Variants in GRIK3 observed in about 807,000 individuals in gnomAD.
GRIK3 encodes the protein glutamate ionotropic receptor kainate type subunit 3.
GRIK3 carries 29 observed loss-of-function variants against 102.5 expected under a neutral mutation model. The ratio of observed to expected loss-of-function variants is 0.28; its 90% CI spans 0.21 to 0.39. The LOEUF is 0.39. GRIK3 is among the 10% of genes least tolerant of loss of function. The pLI, the probability that GRIK3 is intolerant of heterozygous loss-of-function variation, is 1.00. For synonymous variants in GRIK3, 511 were observed against 504.9 expected (o/e 1.01, Z -0.16); for missense variants, 908 against 1,252.4 (o/e 0.73, Z 4.15).
At chr1:36,957,038 A>G (rs1280392911) in intron 1 of GRIK3, among the ~76,000 whole-genome samples, 2 of 152,242 alleles carry the variant, frequency 1.3e-5, no homozygotes, top group East Asian at 3.8e-4. Context: ...AGCAGGCCAC[A>G]GAGCAGGAGG....
intron 1 of GRIK3, among the ~76,000 whole-genome samples, chr1:37,011,963 G>A (rs777081077): frequency 1.3e-5 from 2 of 152,112 alleles, no homozygotes; most frequent in Non-Finnish European, 2.9e-5. Flanking sequence ...CACCTCCCAT[G>A]CACCACCTCC....
intron 9 of GRIK3, among the ~76,000 whole-genome samples, chr1:36,842,831 C>A (rs796655493): frequency 4.6e-5 from 7 of 152,226 alleles, no homozygotes; most frequent in African/African-American, 1.7e-4. Context: ...GTGCAAGCAC[C>A]CCTAGCCGGC....
At chr1:36,933,067 G>A (rs764824966) in intron 1 of GRIK3, among the ~76,000 whole-genome samples, 3 of 152,180 alleles carry the variant, frequency 2.0e-5, no homozygotes, top group Admixed American at 6.5e-5. Flanking sequence ...TACATTGTCT[G>A]TTTCTATCTG....
intron 1 of GRIK3, among the ~76,000 whole-genome samples, chr1:37,026,551 G>A (rs542822620): frequency 1.3e-5 from 2 of 152,346 alleles, no homozygotes; most frequent in African/African-American, 2.4e-5. Context: ...CGGGCACTAT[G>A]CAAAGAGCTT....
intron 1 of GRIK3, among the ~76,000 whole-genome samples, chr1:36,958,301 G>A (rs1570824144): frequency 1.1e-5 from 1 of 89,676 alleles, no homozygotes; most frequent in Non-Finnish European, 2.1e-5. Context: ...TGTGCCCCCT[G>A]AGTCTGTGTG....
intron 1 of GRIK3, among the ~76,000 whole-genome samples, chr1:36,997,618 G>A (rs2124022091): frequency 6.6e-6 from 1 of 152,222 alleles, no homozygotes; most frequent in East Asian, 1.9e-4. Flanking sequence ...GTCCAAAGCT[G>A]TTGCCAGCTT....
At chr1:36,860,769 G>C (rs971920987) in intron 5 of GRIK3, among the ~76,000 whole-genome samples, 1 of 152,206 alleles carries the variant, frequency 6.6e-6, no homozygotes, top group Non-Finnish European at 1.5e-5. Context: ...GAGAGATGGC[G>C]GCAGAGGACG....
chr1:36,947,803 C>G (rs568979755), intron 1 of GRIK3, among the ~76,000 whole-genome samples: 6 of 152,264 alleles, frequency 3.9e-5, no homozygotes, highest in African/African-American at 9.6e-5. Flanking sequence ...AGCTTAGAGC[C>G]ATGCCAGCCC....
At chr1:36,837,033 C>A (rs940985460) in intron 10 of GRIK3, among the ~76,000 whole-genome samples, 3 of 151,972 alleles carry the variant, frequency 2.0e-5, no homozygotes. Context: ...ACCCCATGCT[C>A]TCCTGATTCT....
intron 15 of GRIK3, chr1:36,804,706 A>G (rs1433975744): frequency 3.8e-6 from 2 of 521,292 alleles, no homozygotes; most frequent in African/African-American, 1.9e-5. Context: ...TGAATTGTGG[A>G]TGGTGTTGGG....
At chr1:36,829,662 C>G (rs1642794080) in intron 10 of GRIK3, among the ~76,000 whole-genome samples, 1 of 152,236 alleles carries the variant, frequency 6.6e-6, no homozygotes, top group African/African-American at 2.4e-5. Context: ...TTCCACTTAC[C>G]AAGAATCTGT....
intron 1 of GRIK3, among the ~76,000 whole-genome samples, chr1:36,892,762 G>A (rs112732921): frequency 0.011 from 1,692 of 152,218 alleles, 30 homozygotes; most frequent in African/African-American, 0.039. Flanking sequence ...GAGGTAATTC[G>A]TACTGCCAGA....
intron 13 of GRIK3, among the ~76,000 whole-genome samples, chr1:36,816,194 A>G (rs1642624411): frequency 6.6e-6 from 1 of 152,202 alleles, no homozygotes; most frequent in African/African-American, 2.4e-5. Context: ...CAAGCCACTT[A>G]GCTGCTCTGG....
chr1:36,814,341 TG>T (rs1222272570), intron 13 of GRIK3, among the ~76,000 whole-genome samples: 2 of 152,128 alleles, frequency 1.3e-5, no homozygotes, highest in Non-Finnish European at 2.9e-5. Flanking sequence ...AGAGATGCTC[TG>T]GCACAAAGGG....
chr1:36,957,482 GC>G (rs1167390053), intron 1 of GRIK3, among the ~76,000 whole-genome samples: 1 of 125,874 alleles, frequency 7.9e-6, no homozygotes, highest in Admixed American at 7.6e-5. Flanking sequence ...GTGAGTCTGT[GC>G]CCCGTGAGCC....
At chr1:36,889,794 T>C (rs1402567091) in intron 2 of GRIK3, among the ~76,000 whole-genome samples, 1 of 152,178 alleles carries the variant, frequency 6.6e-6, no homozygotes, top group Non-Finnish European at 1.5e-5. Flanking sequence ...ATTTTAGTAA[T>C]TTTTAGCAAA....
intron 1 of GRIK3, among the ~76,000 whole-genome samples, chr1:36,903,776 G>C (rs756598119): frequency 6.6e-6 from 1 of 152,056 alleles, no homozygotes; most frequent in African/African-American, 2.4e-5. Flanking sequence ...TAACTATGGA[G>C]ATAGTAAAAA....
intron 11 of GRIK3, among the ~76,000 whole-genome samples, chr1:36,820,754 A>G (rs1256049777): frequency 6.6e-6 from 1 of 152,236 alleles, no homozygotes; most frequent in East Asian, 1.9e-4. Context: ...CCCCGGAGAG[A>G]ACAATGCGTT....
chr1:36,810,017 G>A (rs530826397), intron 13 of GRIK3, among the ~76,000 whole-genome samples: 17 of 152,266 alleles, frequency 1.1e-4, no homozygotes, highest in Non-Finnish European at 2.1e-4. Flanking sequence ...CTTGTCTTCT[G>A]TCTTGGGGCC....
Sources: gnomAD v4.1 joint callset for allele counts (sites outside exome capture counted in the v4.1 genomes callset) on GRCh38, gnomAD v4.1.1 for gene constraint, MANE v1.5 for transcripts, NCBI Gene and HGNC (gene_info 2026-07-23, HGNC 2026-07-21) for gene names.